MAD1L1: variants seen among roughly 807,000 people sequenced by gnomAD.
The protein encoded by MAD1L1 is mitotic arrest deficient 1 like 1, also known as mitotic spindle assembly checkpoint protein MAD1.
A neutral mutation model predicts 96.9 loss-of-function variants in MAD1L1; 95 were observed. The ratio of observed to expected loss-of-function variants is 0.98; its 90% CI spans 0.83 to 1.16. The LOEUF (loss-of-function observed/expected upper bound fraction) is 1.16. Among genes scored for constraint, MAD1L1 ranks in the 50% most tolerant of loss-of-function variants. The probability of loss-of-function intolerance (pLI) is 0.00; values close to 1 mark genes in which losing one functional copy is unlikely to be tolerated. For synonymous variants in MAD1L1, 473 were observed against 396.6 expected (o/e 1.19, Z -2.29); for missense variants, 1,007 against 954.4 (o/e 1.06, Z -0.73).
intron 10 of MAD1L1, among the ~76,000 whole-genome samples, chr7:2,176,589 A>C (rs1198361751): frequency 6.6e-6 from 1 of 152,234 alleles, no homozygotes; most frequent in African/African-American, 2.4e-5. Flanking sequence ...TTAAAAAAAA[A>C]AATTTACTGG....
chr7:2,223,100 G>C (rs575154099), intron 4 of MAD1L1, among the ~76,000 whole-genome samples: 2 of 152,328 alleles, frequency 1.3e-5, no homozygotes, highest in African/African-American at 4.8e-5. Flanking sequence ...TTGGGGAGAA[G>C]CTGAGCTTTC....
At chr7:1,908,840 T>C (rs1274426611) in intron 17 of MAD1L1, among the ~76,000 whole-genome samples, 1 of 152,186 alleles carries the variant, frequency 6.6e-6, no homozygotes, top group Non-Finnish European at 1.5e-5. Flanking sequence ...ATTTCTCTCA[T>C]GACCCCCACC....
At chr7:2,055,597 G>A (rs1048612561) in intron 12 of MAD1L1, among the ~76,000 whole-genome samples, 4 of 149,664 alleles carry the variant, frequency 2.7e-5, no homozygotes, top group African/African-American at 2.5e-5. Context: ...CGGAGCCTGC[G>A]ATGTCGAGGC....
intron 11 of MAD1L1, among the ~76,000 whole-genome samples, chr7:2,128,682 G>T (rs1487555719): frequency 6.6e-6 from 1 of 152,196 alleles, no homozygotes; most frequent in African/African-American, 2.4e-5. Flanking sequence ...CTTGGCCATT[G>T]CAGGGATCCT....
At chr7:2,184,369 GAATA>G (rs1233175382) in intron 10 of MAD1L1, among the ~76,000 whole-genome samples, 2 of 152,122 alleles carry the variant, frequency 1.3e-5, no homozygotes, top group Non-Finnish European at 2.9e-5. Context: ...ACAACCGCTG[GAATA>G]AATAAAGGAT....
chr7:2,003,254 G>C (rs867900546), intron 13 of MAD1L1, among the ~76,000 whole-genome samples: 11 of 152,306 alleles, frequency 7.2e-5, no homozygotes, highest in Middle Eastern at 3.4e-3. Flanking sequence ...AGGCGGGGAG[G>C]CGTGTGTATG....
intron 12 of MAD1L1, among the ~76,000 whole-genome samples, chr7:2,023,470 T>C (rs551179366): frequency 1.2e-4 from 19 of 152,292 alleles, no homozygotes; most frequent in Non-Finnish European, 2.4e-4. Flanking sequence ...AGTTTAAGAA[T>C]AGTTTGAACA....
chr7:2,076,746 C>G (rs1460910353), intron 11 of MAD1L1, among the ~76,000 whole-genome samples: 1 of 151,970 alleles, frequency 6.6e-6, no homozygotes, highest in Non-Finnish European at 1.5e-5. Flanking sequence ...CTTGGTGAGC[C>G]CGCAACATGG....
At chr7:2,144,230 T>A (rs1266287455) in intron 11 of MAD1L1, among the ~76,000 whole-genome samples, 2 of 152,198 alleles carry the variant, frequency 1.3e-5, no homozygotes, top group South Asian at 4.1e-4. Context: ...GGAGCGTCTG[T>A]GAGGCTCAAG....
intron 18 of MAD1L1, among the ~76,000 whole-genome samples, chr7:1,891,244 G>A (rs1356643826): frequency 6.6e-6 from 1 of 152,214 alleles, no homozygotes. Flanking sequence ...AATTTTAATA[G>A]GCTGGGTGCG....
chr7:2,087,733 T>C (rs1785996038), intron 11 of MAD1L1, among the ~76,000 whole-genome samples: 1 of 151,994 alleles, frequency 6.6e-6, no homozygotes, highest in South Asian at 2.1e-4. Flanking sequence ...CTCTTTGTTG[T>C]AAAAGGAATG....
chr7:1,927,526 A>C (rs1421867050), intron 17 of MAD1L1, among the ~76,000 whole-genome samples: 1 of 152,208 alleles, frequency 6.6e-6, no homozygotes, highest in Non-Finnish European at 1.5e-5. Context: ...GTGTAGAAAG[A>C]GACCCCCATA....
At chr7:1,828,662 CTG>C in intron 18 of MAD1L1, among the ~76,000 whole-genome samples, 1 of 152,294 alleles carries the variant, frequency 6.6e-6, no homozygotes, top group Admixed American at 6.5e-5. Flanking sequence ...AGTACCTGAA[CTG>C]TGTCTCCGAA....
intron 11 of MAD1L1, among the ~76,000 whole-genome samples, chr7:2,122,947 A>G (rs1158635967): frequency 6.6e-6 from 1 of 152,208 alleles, no homozygotes; most frequent in East Asian, 1.9e-4. Context: ...GCCCTGGTAG[A>G]GAAGTGTATT....
intron 10 of MAD1L1, among the ~76,000 whole-genome samples, chr7:2,190,215 T>C (rs1336003818): frequency 6.6e-6 from 1 of 152,130 alleles, no homozygotes; most frequent in Non-Finnish European, 1.5e-5. Flanking sequence ...AGACACATGA[T>C]TCAATGAAAG....
intron 17 of MAD1L1, among the ~76,000 whole-genome samples, chr7:1,922,975 A>G (rs1050469428): frequency 6.6e-6 from 1 of 152,216 alleles, no homozygotes; most frequent in Non-Finnish European, 1.5e-5. Context: ...ATAGCCCCGC[A>G]GTGTTCTTCA....
At chr7:1,905,400 G>A (rs1304078921) in intron 17 of MAD1L1, among the ~76,000 whole-genome samples, 1 of 135,542 alleles carries the variant, frequency 7.4e-6, no homozygotes, top group Non-Finnish European at 1.6e-5. Context: ...GTGGCCTACG[G>A]AAGACGCTCT....
chr7:1,870,892 A>G (rs74744242), intron 18 of MAD1L1, among the ~76,000 whole-genome samples: 20 of 72,262 alleles, frequency 2.8e-4, no homozygotes, highest in Admixed American at 1.2e-3. Flanking sequence ...GCCTGCCACG[A>G]TGAACCTACC....
chr7:1,851,533 C>T (rs541296131), intron 18 of MAD1L1, among the ~76,000 whole-genome samples: 32 of 152,228 alleles, frequency 2.1e-4, no homozygotes, highest in East Asian at 5.8e-4. Context: ...CTCGGGGCCC[C>T]GGGACAGCAC....
Sources: gnomAD v4.1 joint callset for allele counts (sites outside exome capture counted in the v4.1 genomes callset) on GRCh38, gnomAD v4.1.1 for gene constraint, MANE v1.5 for transcripts, NCBI Gene and HGNC (gene_info 2026-07-23, HGNC 2026-07-21) for gene names.